Variants in SLC8B1 observed in about 807,000 individuals in gnomAD.
SLC8B1 encodes mitochondrial sodium/calcium exchanger protein.
A neutral mutation model predicts 63.4 loss-of-function variants in SLC8B1; 52 were observed. The observed-to-expected ratio is 0.82, with a 90% CI of 0.66 to 1.03. The LOEUF (loss-of-function observed/expected upper bound fraction) is 1.03. SLC8B1 is among the 50% of genes least tolerant of loss of function. The probability of loss-of-function intolerance (pLI) is 0.00; values close to 1 mark genes in which losing one functional copy is unlikely to be tolerated. For synonymous variants in SLC8B1, 336 were observed against 323.9 expected (o/e 1.04, Z -0.40); for missense variants, 657 against 741.7 (o/e 0.89, Z 1.33).
At position 113,301,079 on chromosome 12, in the gene SLC8B1, C is replaced by T. The variant is rs906823567; in HGVS notation, c.1558-1105G>A. On this transcript the variant is annotated intron_variant, in intron 15 of 15. Coordinates refer to ENST00000680972, the MANE Select transcript of SLC8B1 (RefSeq NM_001358345.2). Reference sequence around the variant, plus strand: ...TGAACCTGGGAGGTGGAGGCTGCAGCGAGCCAAGATTGCACCACTGCACTC... The same window carrying T: ...TGAACCTGGGAGGTGGAGGCTGCAGTGAGCCAAGATTGCACCACTGCACTC... Among the ~76,000 whole-genome samples, 4 of 151,854 alleles carry T rather than the reference C, an allele frequency of 2.6e-5. No homozygotes were observed. The East Asian group carries it at 5.9e-4, about 22-fold the overall frequency.
rs1453393370 is a variant in SLC8B1, at chr12:113,310,220, C to T, written c.1257+14G>A. The T allele has an allele frequency of 1.2e-6, 2 of 1,612,020 alleles. No homozygotes were observed. Among genetic ancestry groups the T allele is most frequent in the African/African-American group, 2.7e-5 (2 of 74,774 alleles). On this transcript the variant is annotated intron_variant, in intron 12 of 15. Transcript: ENST00000680972. ...ATCCCTCCCCCCCCATCTCGGAGAA[C>T]CCGGGCTTCTTACCCAGTGAAGCCT... is the stretch of plus-strand genomic sequence containing the variant.
intron 7 of SLC8B1, among the ~76,000 whole-genome samples, chr12:113,319,600 G>A (rs770416270): frequency 2.1e-4 from 32 of 151,958 alleles, no homozygotes; most frequent in East Asian, 5.8e-4. Context: ...GAGTGCGTTC[G>A]CAGCTCCCAT....
intron 15 of SLC8B1, among the ~76,000 whole-genome samples, chr12:113,303,079 C>T (rs550068689): frequency 3.3e-5 from 5 of 151,180 alleles, no homozygotes; most frequent in African/African-American, 9.8e-5. Context: ...CGTACACACA[C>T]ACACACACTT....
intron 10 of SLC8B1, 91 bp from the exon 11 acceptor site, chr12:113,315,567 C>T (rs959721876): frequency 4.3e-6 from 6 of 1,408,896 alleles, no homozygotes; most frequent in Admixed American, 2.7e-5. Flanking sequence ...AGAGCTCGGC[C>T]GTTCATTGCT....
chr12:113,325,449 T>C lies in SLC8B1; in HGVS notation c.157-4101A>G, dbSNP rs567435229. ...TTTTAAAAATTATTTTTTGTAGAGATGGAGGTCTTGCTATGTTGCCTAGGC... is the reference window on the plus strand; with the variant it reads ...TTTTAAAAATTATTTTTTGTAGAGACGGAGGTCTTGCTATGTTGCCTAGGC... On this transcript the variant is annotated intron_variant, in intron 2 of 15. Transcript: ENST00000680972. Among the ~76,000 whole-genome samples, 11 of 152,180 alleles carry C rather than the reference T, an allele frequency of 7.2e-5. No homozygotes were observed. In the South Asian group the frequency reaches 2.1e-3, roughly 29 times the overall value.
chr12:113,319,890 A>G (rs2136852170), intron 7 of SLC8B1: 1 of 169,362 alleles, frequency 5.9e-6, no homozygotes, highest in African/African-American at 2.4e-5. Context: ...CCTAGGCTCA[A>G]GGGATCCTCC....
chr12:113,315,239 G>T, intron 11 of SLC8B1, 96 bp downstream of exon 11: 1 of 1,311,224 alleles, frequency 7.6e-7, no homozygotes, highest in South Asian at 1.7e-5. Context: ...GCAGTGAGCT[G>T]AGATCGTGCC....
intron 11 of SLC8B1, among the ~76,000 whole-genome samples, chr12:113,312,998 T>C (rs1956784428): frequency 6.6e-6 from 1 of 152,044 alleles, no homozygotes; most frequent in African/African-American, 2.4e-5. Flanking sequence ...CTCTGCCTCC[T>C]GGGTTCAAGT....
chr12:113,320,773 GATA>G lies in SLC8B1; in HGVS notation c.420+74_420+76del. 1 of 1,576,522 alleles carries G rather than the reference GATA, an allele frequency of 6.3e-7. No individual in the cohort carries two copies. Among genetic ancestry groups the G allele is most frequent in the Non-Finnish European group, 8.6e-7 (1 of 1,160,618 alleles). The stretch of plus-strand genomic sequence containing the variant: ...CTATCCCCCAGCTTCCCCACACGGG[GATA>G]GACATGACCCTATCTCCCAGCCTCC... On this transcript the variant is annotated intron_variant, in intron 5 of 15. Transcript: ENST00000680972. This position sits in a 1 kb window ranked among gnomAD's most constrained non-coding sequence, Gnocchi z 5.3.
chr12:113,315,995 C>T (rs1253093878), intron 10 of SLC8B1, among the ~76,000 whole-genome samples: 1 of 152,168 alleles, frequency 6.6e-6, no homozygotes, highest in Non-Finnish European at 1.5e-5. Flanking sequence ...GAGGCCGAGG[C>T]GGGCGGATCA....
At chr12:113,302,277 G>A (rs1956598707) in intron 15 of SLC8B1, 3 of 178,310 alleles carry the variant, frequency 1.7e-5, no homozygotes, top group Non-Finnish European at 3.6e-5. Flanking sequence ...CACAGAGGCA[G>A]AGACTGCAGA....
intron 12 of SLC8B1, chr12:113,308,261 G>A (rs536538312): frequency 1.6e-4 from 27 of 168,446 alleles, no homozygotes; most frequent in Non-Finnish European, 2.7e-4. Flanking sequence ...TGGGAGAATC[G>A]CTTGAACCCG....
intron 15 of SLC8B1, chr12:113,302,448 G>GC: frequency 3.5e-6 from 1 of 287,772 alleles, no homozygotes; most frequent in Non-Finnish European, 7.0e-6. Flanking sequence ...GCTGTTGTCA[G>GC]CCCCCTGGTT....
At chr12:113,309,325 CG>C (rs1746174009) in intron 12 of SLC8B1, among the ~76,000 whole-genome samples, 1 of 152,064 alleles carries the variant, frequency 6.6e-6, no homozygotes. Flanking sequence ...CCCGCCACCA[CG>C]CCCAGCTAAT....
rs753968650 is a variant in SLC8B1 at position 113,307,730 on chromosome 12, G to A, written c.1372C>T (p.Leu458=). 2 of 1,614,058 alleles carry A rather than the reference G, an allele frequency of 1.2e-6. No individual in the cohort carries two copies. Among genetic ancestry groups the A allele is most frequent in the African/African-American group, 1.3e-5 (1 of 75,056 alleles). ...CCCCAGGCCAGCAGCGTGAGCCCCA[G>A]CACAGTGTTGCTCAGCCGGAAGACC... The part of the protein sequence containing the change: ...GVVFRLSNTV[L]GLTLLAWGNS... Residue 458 remains leucine (L), a synonymous_variant, in exon 13 of 16, where the codon CTG becomes TTG. Coordinates refer to ENST00000680972, the MANE Select transcript of SLC8B1 (RefSeq NM_001358345.2).
At chr12:113,319,737 C>A (rs967948263) in intron 7 of SLC8B1, among the ~76,000 whole-genome samples, 1 of 152,192 alleles carries the variant, frequency 6.6e-6, no homozygotes, top group African/African-American at 2.4e-5. Context: ...TGTCACGATC[C>A]GGGTGGCCCC....
In SLC8B1 at chr12:113,328,745, C is replaced by CT. The variant is rs557008297; in HGVS notation, c.156+3977dup. 2.2e-3 allele frequency among the ~76,000 whole-genome samples: 312 copies of CT among 139,720 alleles called. 1 individual carries two copies. Among genetic ancestry groups the CT allele is most frequent in the Admixed American group, 3.2e-3 (44 of 13,804 alleles). The allele number at this position is 139,720 out of a possible 152,430, so 91.7% of individuals were successfully genotyped here. On this transcript the variant is annotated intron_variant, in intron 2 of 15. Transcript: ENST00000680972. ...CCAGCCTAGCTGGCCCTCCCAGTTA[C>CT]TTTTTTTTTTTTTTTTCCTTTTTTG...
At chr12:113,322,648 T>G (rs1371517543) in intron 2 of SLC8B1, among the ~76,000 whole-genome samples, 2 of 151,994 alleles carry the variant, frequency 1.3e-5, no homozygotes, top group Non-Finnish European at 2.9e-5. Context: ...AACACAAACA[T>G]AGAGAAAGGG....
intron 12 of SLC8B1, 31 bp downstream of exon 12, chr12:113,310,203 C>T (rs1197934510): frequency 6.2e-7 from 1 of 1,607,530 alleles, no homozygotes; most frequent in African/African-American, 1.3e-5. Flanking sequence ...GCATCCCTCC[C>T]CCCCCATCTC....
Sources: allele counts gnomAD v4.1 joint callset (sites outside exome capture counted in the v4.1 genomes callset), GRCh38; gene constraint gnomAD v4.1.1; non-coding constraint Gnocchi (gnomAD v3.1); transcripts MANE v1.5; gene names NCBI Gene and HGNC (gene_info 2026-07-23, HGNC 2026-07-21).